Variants in IL25 observed in about 807,000 individuals in gnomAD.
IL25 encodes interleukin-25.
In IL25, 10 loss-of-function variants were observed where a neutral mutation model predicts 13.2. The observed-to-expected ratio is 0.76, with a 90% confidence interval of 0.47 to 1.29. The LOEUF is 1.29. Ranked by LOEUF, IL25 falls within the 50% of genes most tolerant of loss-of-function variation. The pLI is 0.00. For synonymous variants in IL25, 107 were observed against 92.1 expected, an observed-to-expected ratio of 1.16 and a Z score of -0.93; for missense variants, 235 against 232.4, an observed-to-expected ratio of 1.01 and a Z score of -0.07.
Position 23,376,015 on chromosome 14 carries a change from G to T in IL25, c.*135G>T, listed in dbSNP as rs556673495. On this transcript the variant is annotated 3_prime_UTR_variant, in exon 2 of 2. Transcript: ENST00000329715. ...CTGGAGCAGCAGGATCCCGGGACAG[G>T]ATGGGGGGCTTTGGGGAAAGCCTGC... 2.7e-4 allele frequency: 327 copies of T among 1,227,150 alleles called. No homozygotes were observed. The Middle Eastern group carries it at 5.8e-3, about 22-fold the overall frequency. The allele number at this position is 1,227,150 out of a possible 1,614,324, so 76.0% of individuals were successfully genotyped here.
At chr14:23,375,918 T>G (rs1487175593) in exon 2 of IL25, 2 of 1,600,778 alleles carry the variant, frequency 1.2e-6, no homozygotes, top group Admixed American at 1.7e-5. Flanking sequence ...TTGGGAAACC[T>G]GGAGCCAGGT....
intron 1 of IL25, 123 bp from the exon 3 acceptor site, chr14:23,375,502 A>G: frequency 8.2e-7 from 1 of 1,222,816 alleles, no homozygotes; most frequent in South Asian, 1.4e-5. Flanking sequence ...AAGTGGGTTC[A>G]GAACTGAGAC....
chr14:23,375,745 C>T (rs764298793), exon 2 of IL25: 1 of 1,614,238 alleles, frequency 6.2e-7, no homozygotes, highest in South Asian at 1.1e-5. Flanking sequence ...CGGAGCTGCT[C>T]TACCACAACC....
At chr14:23,375,882 C>A in exon 2 of IL25, 1 of 1,612,820 alleles carries the variant, frequency 6.2e-7, no homozygotes. Context: ...ATGGGCTAGC[C>A]GGACCTGCTG....
intron 1 of IL25, among the ~76,000 whole-genome samples, chr14:23,375,042 G>T (rs112378285): frequency 3.9e-5 from 6 of 152,236 alleles, no homozygotes; most frequent in African/African-American, 1.4e-4. Flanking sequence ...GGTCGAGGTG[G>T]GTGGATTACC....
intron 1 of IL25, 30 bp downstream of exon 2, chr14:23,373,426 C>T (rs768327856): frequency 1.3e-6 from 2 of 1,583,182 alleles, no homozygotes; most frequent in African/African-American, 1.3e-5. Context: ...CGAATGCCTG[C>T]CCTGTGTGTG....
Sources: allele counts gnomAD v4.1 joint callset (sites outside exome capture counted in the v4.1 genomes callset), GRCh38; gene constraint gnomAD v4.1.1; transcripts MANE v1.5; gene names NCBI Gene and HGNC (gene_info 2026-07-23, HGNC 2026-07-21).